Variants in SLC30A8 observed in about 807,000 individuals in gnomAD.
The protein encoded by SLC30A8 is proton-coupled zinc antiporter SLC30A8.
A neutral mutation model predicts 36.9 loss-of-function variants in SLC30A8; 27 were observed. That is an observed-to-expected ratio of 0.73 (90% CI 0.54 to 1.01). The LOEUF is 1.01. Among genes scored for constraint, SLC30A8 ranks in the 50% least tolerant of loss-of-function variants. The pLI is 0.00. For missense variants in SLC30A8, 439 were observed against 452.0 expected (o/e 0.97, Z 0.26); for synonymous variants, 164 against 172.4 (o/e 0.95, Z 0.38).
Position 117,174,928 on chromosome 8 carries a change from A to AT in SLC30A8, c.*2247_*2248insT, listed in dbSNP as rs998215925. The AT allele has an allele frequency of 6.6e-6, 1 of 152,088 alleles. No individual in the cohort carries two copies. Among genetic ancestry groups the AT allele is most frequent in the Non-Finnish European group, 1.5e-5 (1 of 67,996 alleles). 9.4% of individuals were successfully genotyped at this position (152,088 alleles called of 1,614,324 possible). ...ATTTTAAGGATTTTGAGATGAAAAA[A>AT]CAGATGCTACTCAGGGGCTTTATGA... On this transcript the variant is annotated 3_prime_UTR_variant, in exon 8 of 8. Transcript: ENST00000456015.
At chr8:117,125,319 T>A (rs892081792) in intron 2 of SLC30A8, among the ~76,000 whole-genome samples, 1 of 152,022 alleles carries the variant, frequency 6.6e-6, no homozygotes, top group African/African-American at 2.4e-5. Flanking sequence ...TCTTTCTCCA[T>A]TTTACATGAG....
intron 1 of SLC30A8, among the ~76,000 whole-genome samples, chr8:116,971,275 A>G (rs1814788739): frequency 6.6e-6 from 1 of 152,136 alleles, no homozygotes; most frequent in Non-Finnish European, 1.5e-5. Flanking sequence ...AAAATAAAAT[A>G]GTAATGTTAT....
At chr8:116,983,019 C>G (rs1275142239) in intron 1 of SLC30A8, among the ~76,000 whole-genome samples, 1 of 152,070 alleles carries the variant, frequency 6.6e-6, no homozygotes, top group Admixed American at 6.6e-5. Flanking sequence ...TTTATATTTG[C>G]TTTGATAAAT....
At chr8:117,160,326 G>A (rs577815090) in intron 4 of SLC30A8, among the ~76,000 whole-genome samples, 6 of 152,110 alleles carry the variant, frequency 3.9e-5, no homozygotes, top group African/African-American at 1.2e-4. Context: ...CAGCTGCTAC[G>A]TCTTTCTAAC....
chr8:116,951,494 C>T (rs1308081192), intron 1 of SLC30A8, among the ~76,000 whole-genome samples: 12 of 152,084 alleles, frequency 7.9e-5, no homozygotes, highest in Non-Finnish European at 1.5e-5. Flanking sequence ...GTAGCACATC[C>T]GATGTAAGTT....
intron 1 of SLC30A8, among the ~76,000 whole-genome samples, chr8:116,976,838 TACAGA>T (rs1815046553): frequency 7.4e-6 from 1 of 135,912 alleles, no homozygotes; most frequent in African/African-American, 3.2e-5. Context: ...TTTTTTTTTT[TACAGA>T]GTCTCTCTCT....
chr8:117,116,138 G>A (rs957015702), intron 2 of SLC30A8, among the ~76,000 whole-genome samples: 2 of 151,880 alleles, frequency 1.3e-5, no homozygotes, highest in African/African-American at 4.8e-5. Flanking sequence ...GGAGTTTGCT[G>A]TGTTTGGGCA....
intron 1 of SLC30A8, among the ~76,000 whole-genome samples, chr8:117,003,881 C>T (rs1007070071): frequency 6.6e-6 from 1 of 152,106 alleles, no homozygotes; most frequent in Non-Finnish European, 1.5e-5. Flanking sequence ...GCTTATTATC[C>T]TCTACAAGTC....
At chr8:117,086,313 G>A (rs1818874530) in intron 2 of SLC30A8, among the ~76,000 whole-genome samples, 1 of 152,112 alleles carries the variant, frequency 6.6e-6, no homozygotes, top group South Asian at 2.1e-4. Context: ...TTAGGCAGAG[G>A]GCTAGAAGAA....
At chr8:117,054,735 G>A (rs1342186329) in intron 2 of SLC30A8, among the ~76,000 whole-genome samples, 2 of 151,786 alleles carry the variant, frequency 1.3e-5, no homozygotes, top group African/African-American at 2.4e-5. Flanking sequence ...ATAAAGGGTT[G>A]CAGAGGATAA....
At chr8:117,157,118 C>T (rs1822530523) in intron 3 of SLC30A8, among the ~76,000 whole-genome samples, 1 of 152,188 alleles carries the variant, frequency 6.6e-6, no homozygotes, top group Admixed American at 6.5e-5. Context: ...CTTTTTCGTA[C>T]TGTTGCTCTT....
chr8:117,126,011 C>T (rs1349620560), intron 2 of SLC30A8, among the ~76,000 whole-genome samples: 1 of 151,872 alleles, frequency 6.6e-6, no homozygotes, highest in African/African-American at 2.4e-5. Context: ...ACGATCTTCT[C>T]CTCTCTCTAG....
At chr8:117,001,720 CA>C (rs1447883182) in intron 1 of SLC30A8, among the ~76,000 whole-genome samples, 2 of 152,038 alleles carry the variant, frequency 1.3e-5, no homozygotes, top group Non-Finnish European at 2.9e-5. Context: ...TAAAGAAAAT[CA>C]AACTGTAAAA....
At chr8:117,097,272 G>A (rs1228740125) in intron 2 of SLC30A8, among the ~76,000 whole-genome samples, 9 of 147,744 alleles carry the variant, frequency 6.1e-5, no homozygotes, top group Admixed American at 2.1e-4. Flanking sequence ...GGTGGCAGGC[G>A]CCTGTAGTCC....
rs183888644 is a variant in SLC30A8, at chr8:117,065,428, A to G, written c.-226+26170A>G. Among the ~76,000 whole-genome samples the G allele has an allele frequency of 9.2e-5, 14 of 152,300 alleles. No homozygotes were observed. In the East Asian group the frequency reaches 1.5e-3, roughly 17 times the overall value. On this transcript the variant is annotated intron_variant, in intron 2 of 10. Coordinates refer to the SLC30A8 transcript ENST00000427715. ...TTCCCCTTATTTATCAAAGAAATGA[A>G]TGAATATGAAATTGTAGCCTGCTGG...
intron 1 of SLC30A8, among the ~76,000 whole-genome samples, chr8:116,985,725 A>T (rs1048540187): frequency 1.3e-5 from 2 of 152,054 alleles, no homozygotes; most frequent in African/African-American, 2.4e-5. Context: ...CCATGTCCTC[A>T]CTTACTCTGG....
chr8:116,981,682 T>TC lies in SLC30A8; in HGVS notation c.-266+30564dup, dbSNP rs147727524. ...AACATGTGGTATTTGACTTTCTGTT[T>TC]CTATATTAGCTCACTTAGGATAATG... is the stretch of plus-strand genomic sequence containing the variant. On this transcript the variant is annotated intron_variant, in intron 1 of 10. Coordinates refer to the SLC30A8 transcript ENST00000427715. Among the ~76,000 whole-genome samples, 572 of 152,306 alleles carry TC rather than the reference T, an allele frequency of 3.8e-3. 12 individuals are homozygous for TC. The highest frequency in any genetic ancestry group is 0.028 in the East Asian group (146 of 5,182).
chr8:117,111,161 AAC>A lies in SLC30A8; in HGVS notation c.-225-24115_-225-24114del, dbSNP rs1295192259. On this transcript the variant is annotated intron_variant, in intron 2 of 10. Transcript: ENST00000427715. ...AATAATAAAATTAGAAAAAATAGTT[AAC>A]ACAGGACAAATCCTGGCACAAGCTA... 7.2e-5 allele frequency among the ~76,000 whole-genome samples: 11 copies of A among 152,326 alleles called. No individual in the cohort carries two copies. The East Asian group carries it at 2.1e-3, about 29-fold the overall frequency.
chr8:117,017,255 A>C (rs1442825333), intron 1 of SLC30A8, among the ~76,000 whole-genome samples: 2 of 152,172 alleles, frequency 1.3e-5, no homozygotes, highest in African/African-American at 4.8e-5. Context: ...TAAAGATCAT[A>C]GTTACAGGGC....
Sources: gnomAD v4.1 joint callset for allele counts (sites outside exome capture counted in the v4.1 genomes callset) on GRCh38, gnomAD v4.1.1 for gene constraint, MANE v1.5 for transcripts, NCBI Gene and HGNC (gene_info 2026-07-23, HGNC 2026-07-21) for gene names.